ATRNL1: variants seen among roughly 807,000 people sequenced by gnomAD.
The protein encoded by ATRNL1 is attractin-like protein 1.
In ATRNL1, 95 loss-of-function variants were observed where a neutral mutation model predicts 182.7. That is an observed-to-expected ratio of 0.52 (90% CI 0.44 to 0.62). ATRNL1 has a LOEUF of 0.62. Among genes scored for constraint, ATRNL1 ranks in the 20% least tolerant of loss-of-function variants. The probability of loss-of-function intolerance (pLI) is 0.00; values close to 1 mark genes in which losing one functional copy is unlikely to be tolerated. For missense variants in ATRNL1, 1,471 were observed against 1,679.5 expected, an observed-to-expected ratio of 0.88 and a Z score of 2.17; for synonymous variants, 576 against 568.3, an observed-to-expected ratio of 1.01 and a Z score of -0.19.
chr10:115,695,180 G>A (rs1250694293), intron 26 of ATRNL1, among the ~76,000 whole-genome samples: 1 of 151,976 alleles, frequency 6.6e-6, no homozygotes, highest in Non-Finnish European at 1.5e-5. Context: ...TTTAGAAAAG[G>A]ACCGTTGTCA....
chr10:115,584,033 G>A (rs1347642382), intron 26 of ATRNL1, among the ~76,000 whole-genome samples: 1 of 152,118 alleles, frequency 6.6e-6, no homozygotes, highest in Admixed American at 6.5e-5. Context: ...CTTTGGTTCT[G>A]TTTATATGCT....
At chr10:115,466,583 G>A (rs376715339) in intron 22 of ATRNL1, among the ~76,000 whole-genome samples, 8 of 151,170 alleles carry the variant, frequency 5.3e-5, no homozygotes, top group Admixed American at 3.3e-4. Context: ...GACAAGAAGC[G>A]GGTTGAATGG....
chr10:115,387,696 C>T (rs1480789827), intron 19 of ATRNL1, among the ~76,000 whole-genome samples: 3 of 152,066 alleles, frequency 2.0e-5, no homozygotes, highest in Non-Finnish European at 4.4e-5. Context: ...AATATGTAAT[C>T]TTTTGTGTTT....
chr10:115,911,067 C>G (rs1470613023), intron 28 of ATRNL1, among the ~76,000 whole-genome samples: 5 of 152,176 alleles, frequency 3.3e-5, no homozygotes, highest in African/African-American at 7.2e-5. Flanking sequence ...TGCAATAGTG[C>G]GATCTTAGCT....
Position 115,355,778 on chromosome 10 carries a change from G to T in ATRNL1, c.3175+21359G>T, listed in dbSNP as rs577194975. The stretch of plus-strand genomic sequence containing the variant: ...ATTTTTTTCCTTTAATATTACATTT[G>T]TAATTGGTAATGTCTGTTTTTATAT... On this transcript the variant is annotated intron_variant, in intron 19 of 28. Coordinates refer to ENST00000355044, the MANE Select transcript of ATRNL1 (RefSeq NM_207303.4). Among the ~76,000 whole-genome samples, 7 of 151,794 alleles carry T rather than the reference G, an allele frequency of 4.6e-5. No individual in the cohort carries two copies. The South Asian group carries it at 1.0e-3, about 22-fold the overall frequency.
At chr10:115,411,628 T>G (rs1437442363) in intron 20 of ATRNL1, among the ~76,000 whole-genome samples, 1 of 152,096 alleles carries the variant, frequency 6.6e-6, no homozygotes, top group East Asian at 1.9e-4. Context: ...TTTATCAGTC[T>G]TGAAGGGTTC....
Position 115,403,786 on chromosome 10 carries a change from T to G in ATRNL1, c.3269+9034T>G, listed in dbSNP as rs556147759. Among the ~76,000 whole-genome samples, 13 of 152,340 alleles carry G rather than the reference T, an allele frequency of 8.5e-5. No homozygotes were observed. The South Asian group carries it at 1.4e-3, about 17-fold the overall frequency. ...AAATATTGTTAAGATTTTTCTAGGT[T>G]GTTTTGTTGCTGTATTTGCAACTGC... On this transcript the variant is annotated intron_variant, in intron 20 of 28. Coordinates refer to ENST00000355044, the MANE Select transcript of ATRNL1 (RefSeq NM_207303.4).
At chr10:115,374,164 ATAG>A (rs770342561) in intron 19 of ATRNL1, among the ~76,000 whole-genome samples, 5 of 151,804 alleles carry the variant, frequency 3.3e-5, no homozygotes, top group Admixed American at 3.3e-4. Flanking sequence ...AAAATTGTGC[ATAG>A]TAGTCTCATA....
At chr10:115,570,212 G>A (rs1389113790) in intron 26 of ATRNL1, among the ~76,000 whole-genome samples, 6 of 152,036 alleles carry the variant, frequency 3.9e-5, no homozygotes, top group South Asian at 2.1e-4. Flanking sequence ...TCCACCAGCC[G>A]TGGCTTCCCA....
At chr10:115,712,302 A>C (rs1350520626) in intron 26 of ATRNL1, among the ~76,000 whole-genome samples, 3 of 152,220 alleles carry the variant, frequency 2.0e-5, no homozygotes, top group Admixed American at 2.0e-4. Flanking sequence ...CCTACCCTTT[A>C]AATGAGTTAT....
intron 26 of ATRNL1, among the ~76,000 whole-genome samples, chr10:115,670,125 T>C (rs1323818479): frequency 6.6e-6 from 1 of 152,100 alleles, no homozygotes; most frequent in East Asian, 1.9e-4. Flanking sequence ...CTTTTAACAC[T>C]GTACATGTTA....
At chr10:115,922,116 C>T (rs552095737) in intron 28 of ATRNL1, among the ~76,000 whole-genome samples, 15 of 152,224 alleles carry the variant, frequency 9.9e-5, no homozygotes, top group South Asian at 2.1e-4. Context: ...CCTGCCCCCA[C>T]GTTCACTGGT....
At chr10:115,618,171 C>G (rs1022586931) in intron 26 of ATRNL1, among the ~76,000 whole-genome samples, 1 of 152,120 alleles carries the variant, frequency 6.6e-6, no homozygotes, top group African/African-American at 2.4e-5. Flanking sequence ...TATAAATTAC[C>G]TAGTCTCAGG....
intron 28 of ATRNL1, among the ~76,000 whole-genome samples, chr10:115,853,449 C>T (rs1328236012): frequency 2.1e-4 from 32 of 152,108 alleles, no homozygotes; most frequent in Admixed American, 2.0e-3. Flanking sequence ...AAATGGACTC[C>T]GGGTCTGCTG....
intron 6 of ATRNL1, among the ~76,000 whole-genome samples, chr10:115,161,445 A>G (rs1554883244): frequency 6.6e-6 from 1 of 151,998 alleles, no homozygotes; most frequent in East Asian, 1.9e-4. Context: ...AATTAAAAGG[A>G]AATTAACTAT....
chr10:115,441,582 GAT>G (rs1846682592), intron 21 of ATRNL1, among the ~76,000 whole-genome samples: 1 of 151,560 alleles, frequency 6.6e-6, no homozygotes, highest in Non-Finnish European at 1.5e-5. Context: ...TCTAAATTTT[GAT>G]GTTCCAAAAC....
chr10:115,381,007 A>C (rs1324513928), intron 19 of ATRNL1, among the ~76,000 whole-genome samples: 1 of 152,212 alleles, frequency 6.6e-6, no homozygotes, highest in Non-Finnish European at 1.5e-5. Context: ...CTTGACCAGC[A>C]GTTCATGTGT....
rs782157017 is a variant in ATRNL1, at chr10:115,442,303, C to CTCTCTCTCTCTCTG, written c.3322+16002_3322+16003insCTCTCTCTCTCTGT. ...TCTCTCTCTCTCTCTCTCTCTCTCT[C>CTCTCTCTCTCTCTG]TGTGTGTATGTGTGTGTGTAAACAA... On this transcript the variant is annotated intron_variant, in intron 21 of 28. Transcript: ENST00000355044. Among the ~76,000 whole-genome samples, 541 of 123,782 alleles carry CTCTCTCTCTCTCTG rather than the reference C, an allele frequency of 4.4e-3. 10 individuals carry two copies. The highest frequency in any genetic ancestry group is 0.022 in the South Asian group (85 of 3,894). The allele number at this position is 123,782 out of a possible 152,430, so 81.2% of individuals were successfully genotyped here.
rs986091356 is a variant in ATRNL1, at chr10:115,521,310, G to A, written c.3716+1986G>A. Among the ~76,000 whole-genome samples the A allele has an allele frequency of 4.6e-5, 7 of 152,054 alleles. No individual in the cohort carries two copies. The East Asian group carries it at 5.8e-4, about 13-fold the overall frequency. On this transcript the variant is annotated intron_variant, in intron 25 of 28. Coordinates refer to ENST00000355044, the MANE Select transcript of ATRNL1 (RefSeq NM_207303.4). ...TGGGATTACAGGCACGTGCCACCACGCCCAGCTAATTTTTGTATTTTTAGT... is the reference window on the plus strand; with the variant it reads ...TGGGATTACAGGCACGTGCCACCACACCCAGCTAATTTTTGTATTTTTAGT...
Sources: gnomAD v4.1 joint callset for allele counts (sites outside exome capture counted in the v4.1 genomes callset) on GRCh38, gnomAD v4.1.1 for gene constraint, MANE v1.5 for transcripts, NCBI Gene and HGNC (gene_info 2026-07-23, HGNC 2026-07-21) for gene names.